Variants in PDZRN4 observed in about 807,000 individuals in gnomAD.
PDZRN4 encodes the protein PDZ domain containing ring finger 4, also known as PDZ domain-containing RING finger protein 4.
Under a neutral mutation model 99.0 loss-of-function variants are expected in PDZRN4, and 70 were observed. That is an observed-to-expected ratio of 0.71 (90% CI 0.58 to 0.86). The LOEUF (loss-of-function observed/expected upper bound fraction) is 0.86, where lower values mean the gene tolerates loss of function less well. Among genes scored for constraint, PDZRN4 ranks in the 40% least tolerant of loss-of-function variants. PDZRN4 has a pLI of 0.00. For missense variants in PDZRN4, 1,474 were observed against 1,331.2 expected (o/e 1.11, Z -1.67); for synonymous variants, 551 against 501.6 (o/e 1.10, Z -1.32).
In PDZRN4 at chr12:41,188,541, T is replaced by C. The variant is rs762204826; in HGVS notation, c.86T>C (p.Leu29Pro). 6.4e-7 allele frequency: 1 copy of C among 1,572,346 alleles called. No homozygotes were observed. The highest frequency in any genetic ancestry group is 1.8e-5 in the Admixed American group (1 of 56,620). Residue 29 changes from leucine to proline, a missense_variant, in exon 1 of 10, where the codon CTG becomes CCG. Leu to Pro is a moderately conservative substitution (Grantham distance 98). Coordinates refer to ENST00000402685, the MANE Select transcript of PDZRN4 (RefSeq NM_001164595.2). Reference protein sequence around the residue: ...KLCGQVLEEPLCTPCGHVFCA... With the variant: ...KLCGQVLEEPPCTPCGHVFCA... The stretch of plus-strand genomic sequence containing the variant: ...TGCGGCCAGGTGCTTGAAGAGCCCC[T>C]GTGCACGCCGTGCGGGCACGTCTTC...
chr12:41,374,348 TG>T (rs1410863498), intron 3 of PDZRN4, among the ~76,000 whole-genome samples: 2 of 152,122 alleles, frequency 1.3e-5, no homozygotes, highest in African/African-American at 4.8e-5. Flanking sequence ...TGTGTGCATG[TG>T]GGCAATGCAG....
At chr12:41,563,405 CT>C (rs1392132565) in intron 7 of PDZRN4, 142 bp from the exon 8 acceptor site, 5 of 632,162 alleles carry the variant, frequency 7.9e-6, no homozygotes, top group Non-Finnish European at 5.6e-6. Flanking sequence ...AGTGAAGGCA[CT>C]TTGAGCTGAG....
intron 3 of PDZRN4, among the ~76,000 whole-genome samples, chr12:41,214,449 A>AAAAAAAAAAAAAAAAAAAAAAAC (rs1255994229): frequency 6.8e-6 from 1 of 147,436 alleles, no homozygotes; most frequent in Admixed American, 6.9e-5. Flanking sequence ...AAAAAAAAAA[A>AAAAAAAAAAAAAAAAAAAAAAAC]AGTTATCTAT....
Position 41,552,731 on chromosome 12 carries a change from G to A in PDZRN4, c.1279G>A (p.Asp427Asn). The A allele has an allele frequency of 1.2e-6, 2 of 1,613,610 alleles. No homozygotes were observed. The highest frequency in any genetic ancestry group is 1.1e-5 in the South Asian group (1 of 91,062). ...CTGTTACCGAACAGATGATGAAGAA[G>A]ACACCGGCATTTATGTCAGCGAGGT... ...TVCYRTDDEE[D>N]TGIYVSEVDP... Residue 427 changes from aspartate to asparagine, a missense_variant, in exon 6 of 10, where the codon GAC (aspartate) becomes AAC (asparagine). By Grantham distance (23) the Asp-to-Asn change is conservative. Transcript: ENST00000402685.
chr12:41,442,812 C>T (rs909160557), intron 3 of PDZRN4, among the ~76,000 whole-genome samples: 1 of 151,816 alleles, frequency 6.6e-6, no homozygotes, highest in East Asian at 1.9e-4. Context: ...GAGGATCTGA[C>T]CTACCAAGAG....
chr12:41,506,382 G>A (rs2120673520), intron 3 of PDZRN4, 74 bp from the exon 4 acceptor site: 2 of 1,400,016 alleles, frequency 1.4e-6, no homozygotes, highest in Non-Finnish European at 1.9e-6. Context: ...CTTTCTCTCT[G>A]TCTTTTATTA....
intron 3 of PDZRN4, among the ~76,000 whole-genome samples, chr12:41,450,762 G>T (rs552573268): frequency 6.6e-6 from 1 of 151,940 alleles, no homozygotes; most frequent in African/African-American, 2.4e-5. Flanking sequence ...TCTACTAAAA[G>T]TAAAAAATAA....
rs113323170 is a variant in PDZRN4, at chr12:41,443,262, G to T, written c.844-63194G>T. Among the ~76,000 whole-genome samples the T allele has an allele frequency of 7.4e-3, 1,125 of 152,234 alleles. 18 individuals carry two copies. Among genetic ancestry groups the T allele is most frequent in the African/African-American group, 0.025 (1,023 of 41,552 alleles). ...ACAGCTATGGAAATGCAAAGGTGCTGCTCAGCATGATGGGAGCTTGGGGAG... is the reference window on the plus strand; with the variant it reads ...ACAGCTATGGAAATGCAAAGGTGCTTCTCAGCATGATGGGAGCTTGGGGAG... On this transcript the variant is annotated intron_variant, in intron 3 of 9. Transcript: ENST00000402685.
chr12:41,349,043 G>T (rs551611889), intron 3 of PDZRN4, among the ~76,000 whole-genome samples: 2 of 151,730 alleles, frequency 1.3e-5, no homozygotes, highest in African/African-American at 4.8e-5. Context: ...ATTTATGTTA[G>T]CCTGTTAAAA....
At chr12:41,407,731 G>C (rs773765666) in intron 3 of PDZRN4, among the ~76,000 whole-genome samples, 7 of 151,794 alleles carry the variant, frequency 4.6e-5, no homozygotes, top group Non-Finnish European at 2.9e-5. Flanking sequence ...AAAACAAATG[G>C]CATATTAATC....
intron 5 of PDZRN4, among the ~76,000 whole-genome samples, chr12:41,537,099 A>G (rs1938761621): frequency 1.3e-5 from 2 of 152,148 alleles, no homozygotes; most frequent in Admixed American, 1.3e-4. Context: ...GTAACTGAAT[A>G]CTGGTCTGAG....
chr12:41,252,205 G>A (rs1304570959), intron 3 of PDZRN4, among the ~76,000 whole-genome samples: 3 of 152,036 alleles, frequency 2.0e-5, no homozygotes, highest in African/African-American at 4.8e-5. Flanking sequence ...AATACTTTAT[G>A]GTATGATCAG....
intron 3 of PDZRN4, among the ~76,000 whole-genome samples, chr12:41,449,343 G>A (rs1035649110): frequency 1.3e-5 from 2 of 151,930 alleles, no homozygotes; most frequent in Non-Finnish European, 2.9e-5. Flanking sequence ...ACTGATCTCC[G>A]AATCTCTGGA....
chr12:41,412,814 G>C (rs183530775), intron 3 of PDZRN4, among the ~76,000 whole-genome samples: 1 of 152,212 alleles, frequency 6.6e-6, no homozygotes, highest in Admixed American at 6.5e-5. Flanking sequence ...ACTAGGCCAG[G>C]CATGGTGGCT....
rs547716694 is a variant in PDZRN4, at chr12:41,465,792, G to T, written c.844-40664G>T. 3.9e-5 allele frequency among the ~76,000 whole-genome samples: 6 copies of T among 152,210 alleles called. No homozygotes were observed. In the South Asian group the frequency reaches 1.2e-3, roughly 32 times the overall value. On this transcript the variant is annotated intron_variant, in intron 3 of 9. Coordinates refer to ENST00000402685, the MANE Select transcript of PDZRN4 (RefSeq NM_001164595.2). ...TTACTTAAGACTGTTTTAGTTTCCT[G>T]CCAACTGTTTATTTATAGAGTTTCA...
chr12:41,236,399 G>C (rs1166022823), intron 3 of PDZRN4, among the ~76,000 whole-genome samples: 1 of 152,092 alleles, frequency 6.6e-6, no homozygotes, highest in Non-Finnish European at 1.5e-5. Flanking sequence ...CATGGCTGGA[G>C]CACAGAGGAA....
At chr12:41,501,119 C>T (rs535208892) in intron 3 of PDZRN4, among the ~76,000 whole-genome samples, 5 of 152,152 alleles carry the variant, frequency 3.3e-5, no homozygotes, top group African/African-American at 1.2e-4. Context: ...GTCCATAATC[C>T]TTGGAATTCT....
chr12:41,529,229 T>TTGTG (rs71081749), intron 5 of PDZRN4, among the ~76,000 whole-genome samples: 3 of 149,668 alleles, frequency 2.0e-5, no homozygotes, highest in South Asian at 2.1e-4. Context: ...GTGTGTGTGT[T>TTGTG]TGTGTGTGTG....
Position 41,573,591 on chromosome 12 carries a change from G to T in PDZRN4, c.2812G>T (p.Gly938Trp). Reference sequence around the variant, plus strand: ...TGACACCATGAGCGAGATGAAAATGGGGCGCTACTGGAGCAAAGAGGAGAG... The same window carrying T: ...TGACACCATGAGCGAGATGAAAATGTGGCGCTACTGGAGCAAAGAGGAGAG... ...DDDTMSEMKM[G>W]RYWSKEERKQ... The change falls in exon 10 of 10, where the codon GGG (glycine) becomes TGG (tryptophan). Residue 938 changes from glycine to tryptophan, a missense_variant. Coordinates refer to ENST00000402685, the MANE Select transcript of PDZRN4 (RefSeq NM_001164595.2). 6.2e-7 allele frequency: 1 copy of T among 1,613,396 alleles called. No individual in the cohort carries two copies. Among genetic ancestry groups the T allele is most frequent in the Non-Finnish European group, 8.5e-7 (1 of 1,179,804 alleles).
Sources: allele counts gnomAD v4.1 joint callset (sites outside exome capture counted in the v4.1 genomes callset), GRCh38; gene constraint gnomAD v4.1.1; transcripts MANE v1.5; gene names NCBI Gene and HGNC (gene_info 2026-07-23, HGNC 2026-07-21).